Variants in RBMS3 observed in about 807,000 individuals in gnomAD.
The protein encoded by RBMS3 is RNA-binding motif, single-stranded-interacting protein 3.
A neutral mutation model predicts 66.8 loss-of-function variants in RBMS3; 27 were observed. The observed-to-expected ratio is 0.40, with a 90% confidence interval of 0.30 to 0.56. RBMS3 has a LOEUF of 0.56. RBMS3 is among the 20% of genes least tolerant of loss of function. The pLI is 0.40. For missense variants in RBMS3, 513 were observed against 549.5 expected (o/e 0.93, Z 0.66); for synonymous variants, 188 against 183.0 (o/e 1.03, Z -0.22).
chr3:29,668,781 G>T (rs2050871876), intron 4 of RBMS3, among the ~76,000 whole-genome samples: 1 of 152,156 alleles, frequency 6.6e-6, no homozygotes, highest in Admixed American at 6.5e-5. Flanking sequence ...ATATCCTTTT[G>T]CCTGTGCTAT....
At chr3:29,899,630 T>C in intron 9 of RBMS3, 75 bp from the exon 10 acceptor site, 1 of 1,339,934 alleles carries the variant, frequency 7.5e-7, no homozygotes, top group East Asian at 2.4e-5. Context: ...TATGACCTAG[T>C]GTGACTCCAC....
chr3:29,625,755 G>A (rs1304304107), intron 4 of RBMS3, among the ~76,000 whole-genome samples: 1 of 141,026 alleles, frequency 7.1e-6, no homozygotes, highest in Non-Finnish European at 1.5e-5. Flanking sequence ...ATCTTTTCTT[G>A]GTGAAGCTTC....
At chr3:29,449,518 A>G (rs561387659) in intron 2 of RBMS3, among the ~76,000 whole-genome samples, 2 of 152,380 alleles carry the variant, frequency 1.3e-5, no homozygotes, top group East Asian at 3.8e-4. Flanking sequence ...TTACTATAGT[A>G]GTATAATAAT....
chr3:29,990,554 C>G (rs1698785896), intron 13 of RBMS3, among the ~76,000 whole-genome samples: 2 of 150,640 alleles, frequency 1.3e-5, no homozygotes, highest in African/African-American at 2.4e-5. Flanking sequence ...TTCTTGATGA[C>G]TTTCAGTTCA....
At chr3:29,880,735 G>A (rs768560472) in intron 7 of RBMS3, 11 of 1,511,094 alleles carry the variant, frequency 7.3e-6, no homozygotes, top group Non-Finnish European at 9.8e-6. Flanking sequence ...TGTTCCAAAT[G>A]CATATGACCT....
chr3:29,672,368 A>G (rs140907994), intron 4 of RBMS3, among the ~76,000 whole-genome samples: 74 of 152,332 alleles, frequency 4.9e-4, no homozygotes, highest in Middle Eastern at 3.4e-3. Flanking sequence ...CTAGGAAGAA[A>G]CTTCATCAAC....
intron 4 of RBMS3, among the ~76,000 whole-genome samples, chr3:29,717,678 A>G (rs553403564): frequency 4.6e-4 from 70 of 152,152 alleles, no homozygotes; most frequent in Non-Finnish European, 7.8e-4. Context: ...AGAATTGTGC[A>G]GAAATATAGG....
intron 5 of RBMS3, among the ~76,000 whole-genome samples, chr3:29,761,078 A>G (rs2055665142): frequency 6.6e-6 from 1 of 152,122 alleles, no homozygotes; most frequent in Non-Finnish European, 1.5e-5. Context: ...ATGACAATGT[A>G]GATCCCTTTG....
intron 3 of RBMS3, among the ~76,000 whole-genome samples, chr3:29,533,994 G>A (rs1258516191): frequency 6.6e-6 from 1 of 152,160 alleles, no homozygotes; most frequent in East Asian, 1.9e-4. Flanking sequence ...TGTCCATTTT[G>A]TTCATGGAAA....
chr3:29,891,992 A>T (rs1231701791), intron 8 of RBMS3, among the ~76,000 whole-genome samples: 1 of 151,548 alleles, frequency 6.6e-6, no homozygotes, highest in African/African-American at 2.4e-5. Flanking sequence ...CAGTAAAAAA[A>T]ATTAAACCCT....
intron 4 of RBMS3, among the ~76,000 whole-genome samples, chr3:29,629,735 T>C (rs2049215141): frequency 6.6e-6 from 1 of 151,826 alleles, no homozygotes; most frequent in Non-Finnish European, 1.5e-5. Context: ...TTTTATGTCC[T>C]ATACCCTTTT....
intron 8 of RBMS3, among the ~76,000 whole-genome samples, chr3:29,896,390 T>C (rs1044851424): frequency 1.3e-5 from 2 of 151,404 alleles, no homozygotes; most frequent in South Asian, 4.1e-4. Flanking sequence ...AACATAGTAA[T>C]TGAGTTTTGC....
At chr3:29,825,370 T>C (rs2058184873) in intron 6 of RBMS3, among the ~76,000 whole-genome samples, 1 of 152,056 alleles carries the variant, frequency 6.6e-6, no homozygotes, top group African/African-American at 2.4e-5. Context: ...ACATGAGAGA[T>C]ACTAACTGGT....
chr3:29,382,923 G>C (rs2038834457), intron 1 of RBMS3, among the ~76,000 whole-genome samples: 1 of 152,034 alleles, frequency 6.6e-6, no homozygotes, highest in Admixed American at 6.6e-5. Flanking sequence ...ATACTCATAG[G>C]CTCATCTGTA....
intron 6 of RBMS3, among the ~76,000 whole-genome samples, chr3:29,771,411 C>T (rs1479559776): frequency 6.6e-6 from 1 of 151,876 alleles, no homozygotes; most frequent in Non-Finnish European, 1.5e-5. Context: ...TGGCACAGAA[C>T]AATACCAATA....
intron 7 of RBMS3, among the ~76,000 whole-genome samples, chr3:29,874,098 T>C (rs997488329): frequency 1.6e-4 from 25 of 152,288 alleles, no homozygotes; most frequent in African/African-American, 5.5e-4. Flanking sequence ...TAATGGTGCA[T>C]CCAGCTCATT....
intron 3 of RBMS3, among the ~76,000 whole-genome samples, chr3:29,518,779 A>G (rs1014228791): frequency 6.6e-6 from 1 of 152,206 alleles, no homozygotes; most frequent in Non-Finnish European, 1.5e-5. Context: ...CAGAGATGAC[A>G]TTCTAATTTT....
At chr3:29,708,428 A>G (rs1196899806) in intron 4 of RBMS3, among the ~76,000 whole-genome samples, 1 of 152,222 alleles carries the variant, frequency 6.6e-6, no homozygotes, top group Non-Finnish European at 1.5e-5. Flanking sequence ...CAAATTATTG[A>G]CTGCTGCAGA....
Position 29,566,751 on chromosome 3 carries a change from T to C in RBMS3, c.308-20363T>C, listed in dbSNP as rs184399028. ...ATGACAGATGCCTGGTTGCTGGGGG[T>C]GTGTGTGGAGGTGGCTGCAAAGAGG... On this transcript the variant is annotated intron_variant, in intron 3 of 14. Transcript: ENST00000383767. Among the ~76,000 whole-genome samples, 3 of 149,434 alleles carry C rather than the reference T, an allele frequency of 2.0e-5. No individual in the cohort carries two copies. The East Asian group carries it at 5.9e-4, about 30-fold the overall frequency.
Sources: gnomAD v4.1 joint callset for allele counts (sites outside exome capture counted in the v4.1 genomes callset) on GRCh38, gnomAD v4.1.1 for gene constraint, MANE v1.5 for transcripts, NCBI Gene and HGNC (gene_info 2026-07-23, HGNC 2026-07-21) for gene names.